The following PMPCB variants were observed in gnomAD, a reference collection of about 807,000 sequenced individuals.
PMPCB encodes the protein peptidase, mitochondrial processing subunit beta, also known as mitochondrial-processing peptidase subunit beta.
Under a neutral mutation model 61.5 loss-of-function variants are expected in PMPCB, and 46 were observed. The observed-to-expected ratio is 0.75, with a 90% confidence interval of 0.59 to 0.96. The LOEUF (loss-of-function observed/expected upper bound fraction) is 0.96. Ranked by LOEUF, PMPCB falls within the 40% of genes least tolerant of loss-of-function variation. The pLI, the probability that PMPCB is intolerant of heterozygous loss-of-function variation, is 0.00. For synonymous variants in PMPCB, 191 were observed against 201.6 expected, an observed-to-expected ratio of 0.95 and a Z score of 0.44; for missense variants, 590 against 602.4, an observed-to-expected ratio of 0.98 and a Z score of 0.22.
chr7:103,323,798 C>T (rs1039517367), intron 12 of PMPCB: 2 of 686,074 alleles, frequency 2.9e-6, no homozygotes. Flanking sequence ...AAGTCTTTCT[C>T]CTTTTTTAAG....
downstream of PMPCB, chr7:103,315,624 C>T (rs961602015): frequency 7.0e-6 from 4 of 573,936 alleles, no homozygotes; most frequent in Non-Finnish European, 9.2e-6. Flanking sequence ...AATCTTTGCC[C>T]TGGAAATGTT....
At chr7:103,323,494 C>T (rs1026030162) in intron 12 of PMPCB, 64 of 1,190,720 alleles carry the variant, frequency 5.4e-5, no homozygotes, top group Middle Eastern at 2.6e-4. Flanking sequence ...AAAAGATGTA[C>T]AAAGAGAAAA....
At position 103,314,200 on chromosome 7, in the gene PMPCB, T is replaced by C. The variant is rs1473445478; in HGVS notation, c.*1929T>C. On this transcript the variant is annotated 3_prime_UTR_variant, in exon 13 of 13. Coordinates refer to ENST00000249269, the MANE Select transcript of PMPCB (RefSeq NM_004279.3). ...GTTTAAAGCCCTAAATACCATAGAT[T>C]TTATTTCCTCTCTTGGAAAAAAGAT... 3 of 985,264 alleles carry C rather than the reference T, an allele frequency of 3.0e-6. No individual in the cohort carries two copies. In the East Asian group the frequency reaches 3.4e-4, roughly 112 times the overall value. 61.0% of individuals were successfully genotyped at this position (985,264 alleles called of 1,614,324 possible).
the PMPCB span, chr7:103,344,739 C>T: frequency 2.8e-6 from 3 of 1,065,146 alleles, no homozygotes; most frequent in African/African-American, 1.6e-5. Flanking sequence ...TCTAAGACGC[C>T]CAGGAACCGG....
At chr7:103,325,393 T>G (rs1223130617) in intron 12 of PMPCB, among the ~76,000 whole-genome samples, 1 of 151,320 alleles carries the variant, frequency 6.6e-6, no homozygotes, top group African/African-American at 2.4e-5. Context: ...GCCGAGATTG[T>G]GCCACTGCAC....
At chr7:103,301,386 T>C (rs1044564509) in intron 4 of PMPCB, among the ~76,000 whole-genome samples, 1 of 152,352 alleles carries the variant, frequency 6.6e-6, no homozygotes, top group South Asian at 2.1e-4. Context: ...ACAAAACCAA[T>C]AGAGACAGTT....
intron 6 of PMPCB, among the ~76,000 whole-genome samples, chr7:103,305,954 C>T (rs914565377): frequency 6.6e-6 from 1 of 152,148 alleles, no homozygotes; most frequent in Non-Finnish European, 1.5e-5. Context: ...ATGAGTTTTA[C>T]TTTGGTTCAT....
chr7:103,297,919 C>T (rs1318122242), intron 1 of PMPCB: 4 of 1,281,706 alleles, frequency 3.1e-6, no homozygotes, highest in Middle Eastern at 2.7e-4. Context: ...ACTTCGTCCT[C>T]AGCTGGGCTT....
intron 12 of PMPCB, among the ~76,000 whole-genome samples, chr7:103,326,083 A>C (rs1019029032): frequency 1.3e-5 from 2 of 152,132 alleles, no homozygotes; most frequent in Non-Finnish European, 2.9e-5. Flanking sequence ...GGTTCAAGCA[A>C]AACTCCCGTC....
intron 1 of PMPCB, 42 bp downstream of exon 1, chr7:103,297,600 C>T: frequency 1.9e-6 from 3 of 1,610,274 alleles, no homozygotes; most frequent in Non-Finnish European, 1.7e-6. Flanking sequence ...GAGATCTCGC[C>T]AGACCCGGCG....
chr7:103,311,584 G>A (rs1417761866), intron 9 of PMPCB, 59 bp from the exon 10 acceptor site: 2 of 1,202,356 alleles, frequency 1.7e-6, no homozygotes, highest in Non-Finnish European at 2.5e-6. Context: ...TCATTCTTAG[G>A]TCATTAACTC....
the PMPCB span, among the ~76,000 whole-genome samples, chr7:103,338,982 T>A: frequency 6.6e-6 from 1 of 152,138 alleles, no homozygotes; most frequent in South Asian, 2.1e-4. Context: ...CCTTGATGAT[T>A]TGTATGCACA....
intron 12 of PMPCB, chr7:103,322,689 TC>T: frequency 1.2e-6 from 2 of 1,612,816 alleles, no homozygotes; most frequent in Non-Finnish European, 1.7e-6. Flanking sequence ...GGGACTTAAA[TC>T]AATTCTACTT....
Position 103,313,261 on chromosome 7 carries a change from T to A in PMPCB, c.*990T>A. On this transcript the variant is annotated 3_prime_UTR_variant, in exon 13 of 13. Coordinates refer to ENST00000249269, the MANE Select transcript of PMPCB (RefSeq NM_004279.3). ...GAGATACATATAGCCCTCTGAGTGTTAATAAGAGAAAAAATTTCAGATAGC... is the reference window on the plus strand; with the variant it reads ...GAGATACATATAGCCCTCTGAGTGTAAATAAGAGAAAAAATTTCAGATAGC... 7.4e-7 allele frequency: 1 copy of A among 1,350,578 alleles called. No individual in the cohort carries two copies. The highest frequency in any genetic ancestry group is 9.5e-7 in the Non-Finnish European group (1 of 1,055,126). The allele number at this position is 1,350,578 out of a possible 1,614,324, so 83.7% of individuals were successfully genotyped here.
At chr7:103,327,030 T>A (rs568234404) in intron 12 of PMPCB, among the ~76,000 whole-genome samples, 2 of 152,324 alleles carry the variant, frequency 1.3e-5, no homozygotes, top group Non-Finnish European at 2.9e-5. Context: ...TCTGGAGCAC[T>A]GTGTAAGAGA....
chr7:103,343,535 A>T, the PMPCB span, among the ~76,000 whole-genome samples: 1 of 152,204 alleles, frequency 6.6e-6, no homozygotes, highest in African/African-American at 2.4e-5. Context: ...CACCTGTAAA[A>T]TGGGAACAAT....
At chr7:103,344,931 G>C in the PMPCB span, 1 of 551,412 alleles carries the variant, frequency 1.8e-6, no homozygotes, top group Non-Finnish European at 3.2e-6. Context: ...CTGTAAAAAG[G>C]ATTATATTCC....
chr7:103,304,728 C>T (rs570289767), intron 6 of PMPCB, among the ~76,000 whole-genome samples: 8 of 151,970 alleles, frequency 5.3e-5, no homozygotes, highest in South Asian at 2.1e-4. Context: ...TTTGGGAGGC[C>T]GAGGTGGGCG....
chr7:103,308,412 A>T (rs1283968125), intron 7 of PMPCB, among the ~76,000 whole-genome samples: 2 of 152,240 alleles, frequency 1.3e-5, no homozygotes, highest in African/African-American at 4.8e-5. Flanking sequence ...ACTTGAGGTT[A>T]GGAGTTTGAG....
Sources: allele counts gnomAD v4.1 joint callset (sites outside exome capture counted in the v4.1 genomes callset), GRCh38; gene constraint gnomAD v4.1.1; transcripts MANE v1.5; gene names NCBI Gene and HGNC (gene_info 2026-07-23, HGNC 2026-07-21).